The following CTNNA3 variants were observed in gnomAD, a reference collection of about 807,000 sequenced individuals.
CTNNA3 encodes the protein catenin alpha-3.
Under a neutral mutation model 95.7 loss-of-function variants are expected in CTNNA3, and 76 were observed. The observed-to-expected ratio is 0.79, with a 90% CI of 0.66 to 0.96. CTNNA3 has a LOEUF of 0.96. Ranked by LOEUF, CTNNA3 falls within the 40% of genes least tolerant of loss-of-function variation. CTNNA3 has a pLI of 0.00. For synonymous variants in CTNNA3, 431 were observed against 374.4 expected, an observed-to-expected ratio of 1.15 and a Z score of -1.74; for missense variants, 1,191 against 1,089.8, an observed-to-expected ratio of 1.09 and a Z score of -1.31.
chr10:66,621,523 C>T (rs1844746132), intron 10 of CTNNA3, among the ~76,000 whole-genome samples, 169 bp downstream of exon 10: 1 of 149,296 alleles, frequency 6.7e-6, no homozygotes, highest in South Asian at 2.1e-4. Flanking sequence ...ACTCAGGAAG[C>T]AGAAGTTGCA....
At chr10:67,168,501 C>G (rs1431343626) in intron 7 of CTNNA3, among the ~76,000 whole-genome samples, 1 of 152,070 alleles carries the variant, frequency 6.6e-6, no homozygotes, top group Non-Finnish European at 1.5e-5. Context: ...ATAAATATCA[C>G]TCATCACATA....
intron 17 of CTNNA3, among the ~76,000 whole-genome samples, chr10:65,948,232 G>C (rs974931847): frequency 1.4e-5 from 2 of 139,522 alleles, no homozygotes; most frequent in African/African-American, 5.5e-5. Flanking sequence ...AGTGAGCCGA[G>C]ATCATGCCAC....
intron 12 of CTNNA3, among the ~76,000 whole-genome samples, chr10:66,316,577 T>C (rs2092103415): frequency 6.6e-6 from 1 of 151,874 alleles, no homozygotes; most frequent in African/African-American, 2.4e-5. Flanking sequence ...ATTGGGACAA[T>C]GTAGACAAGC....
chr10:67,457,331 C>G (rs1274575737), intron 5 of CTNNA3, among the ~76,000 whole-genome samples: 1 of 152,062 alleles, frequency 6.6e-6, no homozygotes, highest in Non-Finnish European at 1.5e-5. Context: ...AGTCTTGAGC[C>G]CAGGGCCTGC....
intron 7 of CTNNA3, among the ~76,000 whole-genome samples, chr10:67,090,412 A>G (rs904236013): frequency 1.3e-5 from 2 of 152,092 alleles, no homozygotes; most frequent in African/African-American, 4.8e-5. Flanking sequence ...ATAAGAGCTA[A>G]ATGTTGAGAA....
chr10:67,292,336 A>T (rs573401191), intron 5 of CTNNA3, among the ~76,000 whole-genome samples: 430 of 152,270 alleles, frequency 2.8e-3, no homozygotes, highest in Middle Eastern at 0.017. Context: ...AATGGGGCTG[A>T]GAGACAGGAG....
At chr10:66,074,511 T>A (rs961090743) in intron 14 of CTNNA3, among the ~76,000 whole-genome samples, 1 of 151,848 alleles carries the variant, frequency 6.6e-6, no homozygotes, top group African/African-American at 2.4e-5. Context: ...CAGGTAAATA[T>A]CTTGAGATAT....
intron 3 of CTNNA3, among the ~76,000 whole-genome samples, chr10:67,566,701 G>T (rs988331757): frequency 3.2e-4 from 49 of 152,078 alleles, no homozygotes; most frequent in African/African-American, 1.1e-3. Context: ...AAATCATGCT[G>T]CTATAAAGAC....
At chr10:66,791,602 T>C (rs1032244950) in intron 7 of CTNNA3, among the ~76,000 whole-genome samples, 4 of 152,188 alleles carry the variant, frequency 2.6e-5, no homozygotes, top group Non-Finnish European at 4.4e-5. Context: ...GATTAATGCA[T>C]CTCTCCCCCA....
intron 9 of CTNNA3, among the ~76,000 whole-genome samples, chr10:66,758,830 G>T (rs10997374): frequency 6.6e-6 from 1 of 152,226 alleles, no homozygotes; most frequent in East Asian, 1.9e-4. Context: ...AGCTACTTGG[G>T]AGACTGAGGC....
chr10:66,062,095 T>C (rs2080212780), intron 15 of CTNNA3, among the ~76,000 whole-genome samples: 2 of 152,092 alleles, frequency 1.3e-5, no homozygotes, highest in Admixed American at 6.6e-5. Context: ...ATTTCTTTAT[T>C]AATAAAATGG....
intron 7 of CTNNA3, among the ~76,000 whole-genome samples, chr10:66,944,199 G>A (rs768346720): frequency 1.3e-5 from 2 of 152,104 alleles, no homozygotes; most frequent in Admixed American, 6.5e-5. Context: ...CATCAAATAA[G>A]TTTATAAGTT....
intron 12 of CTNNA3, among the ~76,000 whole-genome samples, chr10:66,300,960 T>C (rs1416218854): frequency 6.6e-6 from 1 of 151,632 alleles, no homozygotes; most frequent in Non-Finnish European, 1.5e-5. Context: ...AGAGAGAAGA[T>C]ACAAATTACT....
chr10:67,428,760 A>G (rs1013788987), intron 5 of CTNNA3, among the ~76,000 whole-genome samples: 4 of 152,140 alleles, frequency 2.6e-5, no homozygotes, highest in South Asian at 4.1e-4. Context: ...TCCAATGAAT[A>G]TAAAGCAGGC....
chr10:67,562,613 A>C (rs1324753677), intron 3 of CTNNA3, among the ~76,000 whole-genome samples: 1 of 152,208 alleles, frequency 6.6e-6, no homozygotes, highest in African/African-American at 2.4e-5. Flanking sequence ...ACTCCTATTC[A>C]ACATAGTGTT....
chr10:67,019,043 T>C (rs1339219587), intron 7 of CTNNA3, among the ~76,000 whole-genome samples: 1 of 152,224 alleles, frequency 6.6e-6, no homozygotes, highest in Non-Finnish European at 1.5e-5. Flanking sequence ...CACTATTACA[T>C]ATCTAATGAA....
At chr10:66,549,907 G>A (rs544345189) in intron 10 of CTNNA3, among the ~76,000 whole-genome samples, 2 of 152,180 alleles carry the variant, frequency 1.3e-5, no homozygotes, top group South Asian at 4.1e-4. Context: ...TTTGGTTTAT[G>A]CACTATGCAC....
chr10:66,431,866 G>A (rs2093299549), intron 11 of CTNNA3, among the ~76,000 whole-genome samples: 1 of 151,872 alleles, frequency 6.6e-6, no homozygotes, highest in Admixed American at 6.6e-5. Flanking sequence ...CCTGCACGTT[G>A]TGCACATGTA....
At chr10:66,614,809 T>C (rs957321642) in intron 10 of CTNNA3, among the ~76,000 whole-genome samples, 20 of 152,090 alleles carry the variant, frequency 1.3e-4, no homozygotes, top group Admixed American at 1.0e-3. Context: ...AACCACATAT[T>C]TTAGAACCAC....
Sources: allele counts gnomAD v4.1 joint callset (sites outside exome capture counted in the v4.1 genomes callset), GRCh38; gene constraint gnomAD v4.1.1; transcripts MANE v1.5; gene names NCBI Gene and HGNC (gene_info 2026-07-23, HGNC 2026-07-21).